Variants in PCDHGA5 observed in about 807,000 individuals in gnomAD.
PCDHGA5 encodes protocadherin gamma-A5.
Under a neutral mutation model 56.7 loss-of-function variants are expected in PCDHGA5, and 36 were observed. The observed-to-expected ratio is 0.64, with a 90% confidence interval of 0.49 to 0.84. The LOEUF (loss-of-function observed/expected upper bound fraction) is 0.84, where lower values mean the gene tolerates loss of function less well. PCDHGA5 is among the 40% of genes least tolerant of loss of function. The pLI is 0.00. For synonymous variants in PCDHGA5, 563 were observed against 520.2 expected (o/e 1.08, Z -1.12); for missense variants, 1,305 against 1,201.5 (o/e 1.09, Z -1.27).
intron 1 of PCDHGA5, among the ~76,000 whole-genome samples, chr5:141,465,683 A>G (rs2099107378): frequency 6.6e-6 from 1 of 152,236 alleles, no homozygotes; most frequent in African/African-American, 2.4e-5. Context: ...GCTCTTGACC[A>G]GTCTGCTTTT....
chr5:141,440,980 C>T (rs972732898), intron 1 of PCDHGA5: 1 of 152,242 alleles, frequency 6.6e-6, no homozygotes. Context: ...GCTTCACAAC[C>T]CAGAGTACCC....
chr5:141,478,678 C>T (rs3805695), intron 1 of PCDHGA5: 273,671 of 1,551,084 alleles, frequency 0.18, 26,385 homozygotes, highest in African/African-American at 0.39. Context: ...TTCAACTGGC[C>T]CTTCCTAGAT....
In PCDHGA5 at chr5:141,451,946, G is replaced by A. The variant is rs146934262; in HGVS notation, c.2422-42861G>A. On this transcript the variant is annotated intron_variant, in intron 1 of 3. Coordinates refer to ENST00000518069, the MANE Select transcript of PCDHGA5 (RefSeq NM_018918.3). ...GGAGGTAGGGAGGCAGGGAAAGACC[G>A]AGAAAGTGACATACCATCATTTTTG... Among the ~76,000 whole-genome samples, 240 of 152,218 alleles carry A rather than the reference G, an allele frequency of 1.6e-3. 1 individual carries two copies. Among genetic ancestry groups the A allele is most frequent in the Non-Finnish European group, 2.9e-3 (195 of 68,026 alleles).
chr5:141,456,975 A>T (rs1240583336), intron 1 of PCDHGA5, among the ~76,000 whole-genome samples: 1 of 152,178 alleles, frequency 6.6e-6, no homozygotes, highest in East Asian at 1.9e-4. Flanking sequence ...AACAAAACAA[A>T]CAAACAAACA....
chr5:141,401,922 A>C (rs899426870), intron 1 of PCDHGA5, among the ~76,000 whole-genome samples: 10 of 152,194 alleles, frequency 6.6e-5, no homozygotes, highest in Non-Finnish European at 1.3e-4. Flanking sequence ...AGTTTAAGTG[A>C]TGCTTAGAAT....
intron 1 of PCDHGA5, chr5:141,372,939 G>C (rs1026338118): frequency 3.6e-6 from 3 of 824,678 alleles, no homozygotes. Flanking sequence ...GTAGAGTAGG[G>C]TGTCTAGGAA....
intron 1 of PCDHGA5, chr5:141,384,950 C>G: frequency 6.2e-7 from 1 of 1,614,122 alleles, no homozygotes; most frequent in East Asian, 2.2e-5. Flanking sequence ...TCCGACGGTC[C>G]TTACAACTAT....
chr5:141,388,509 C>T, intron 1 of PCDHGA5: 13 of 1,613,810 alleles, frequency 8.1e-6, no homozygotes, highest in Non-Finnish European at 1.1e-5. Flanking sequence ...GAAATCCTAC[C>T]ACTTGACTTT....
rs1356739313 is a variant in PCDHGA5, at chr5:141,490,444, A to T, written c.2422-4363A>T. The T allele has an allele frequency of 6.2e-7, 1 of 1,614,194 alleles. No individual in the cohort carries two copies. Among genetic ancestry groups the T allele is most frequent in the Non-Finnish European group, 8.5e-7 (1 of 1,180,034 alleles). On this transcript the variant is annotated intron_variant, in intron 1 of 3. Transcript: ENST00000518069. The surrounding 1 kb of genome is among the most constrained non-coding windows in gnomAD (Gnocchi z 5.4). ...GCCATTTCAGATTAAGCCTTCTGAG[A>T]ACCACTACTCGCTGCTAACCAGCCA...
chr5:141,470,037 G>A lies in PCDHGA5; in HGVS notation c.2422-24770G>A, dbSNP rs76537989. Among the ~76,000 whole-genome samples the A allele has an allele frequency of 2.3e-3, 347 of 152,258 alleles. 6 individuals are homozygous for A. The East Asian group carries it at 0.048, about 21-fold the overall frequency. On this transcript the variant is annotated intron_variant, in intron 1 of 3. Transcript: ENST00000518069. ...CCAGCTACTCGGGATGCTGAGGCGC[G>A]AGAACTGTTTGAACCCCGGAGGCAG...
Position 141,431,962 on chromosome 5 carries a change from C to G in PCDHGA5, c.2422-62845C>G. 1.2e-6 allele frequency: 2 copies of G among 1,614,190 alleles called. No homozygotes were observed. Among genetic ancestry groups the G allele is most frequent in the South Asian group, 2.2e-5 (2 of 91,086 alleles). ...AATTAGAAAAATCTTACGGAAATTACTATAGTTTAGTCACAGACATAGTCT... is the reference window on the plus strand; with the variant it reads ...AATTAGAAAAATCTTACGGAAATTAGTATAGTTTAGTCACAGACATAGTCT... On this transcript the variant is annotated intron_variant, in intron 1 of 3. Transcript: ENST00000518069. The surrounding 1 kb of genome is among the most constrained non-coding windows in gnomAD (Gnocchi z 4.8).
rs1378433689 is a variant in PCDHGA5, at chr5:141,409,139, G to A, written c.2421+42388G>A. Reference sequence around the variant, plus strand: ...CCAGTCATTTGATTTTGAAGATGTAGAAAGGTACACCATGGAAGTGGAAGC... The same window carrying A: ...CCAGTCATTTGATTTTGAAGATGTAAAAAGGTACACCATGGAAGTGGAAGC... On this transcript the variant is annotated intron_variant, in intron 1 of 3. Transcript: ENST00000518069. 5.6e-6 allele frequency: 9 copies of A among 1,613,894 alleles called. No homozygotes were observed. In the Admixed American group the frequency reaches 1.5e-4, roughly 27 times the overall value.
intron 1 of PCDHGA5, chr5:141,418,939 C>G: frequency 6.2e-7 from 1 of 1,613,760 alleles, no homozygotes; most frequent in Non-Finnish European, 8.5e-7. Context: ...TGGAGGATTC[C>G]CCTCCAGGAG....
chr5:141,399,665 A>T, intron 1 of PCDHGA5: 14 of 1,613,648 alleles, frequency 8.7e-6, no homozygotes, highest in Non-Finnish European at 1.2e-5. Flanking sequence ...GTGTTCGCGC[A>T]GCGCGCCTTT....
chr5:141,476,180 C>T lies in PCDHGA5; in HGVS notation c.2422-18627C>T. The T allele has an allele frequency of 1.2e-6, 2 of 1,613,664 alleles. No individual in the cohort carries two copies. Among genetic ancestry groups the T allele is most frequent in the East Asian group, 4.5e-5 (2 of 44,838 alleles). On this transcript the variant is annotated intron_variant, in intron 1 of 3. Transcript: ENST00000518069. The surrounding 1 kb of genome is among the most constrained non-coding windows in gnomAD (Gnocchi z 7.6). ...CGGGAGGGTAGTGGGAGTTTTGCTT[C>T]TGCTTGGTGCCTTGAACAAGGCTTC...
At chr5:141,464,838 A>G (rs2099091245) in intron 1 of PCDHGA5, among the ~76,000 whole-genome samples, 1 of 152,182 alleles carries the variant, frequency 6.6e-6, no homozygotes, top group African/African-American at 2.4e-5. Context: ...TCCTGGGCTC[A>G]AGCAATCCTC....
rs570083634 is a variant in PCDHGA5, at chr5:141,427,859, C to G, written c.2421+61108C>G. 25 of 1,556,390 alleles carry G rather than the reference C, an allele frequency of 1.6e-5. No homozygotes were observed. The Admixed American group carries it at 2.0e-4, about 13-fold the overall frequency. ...CCTTCGACCACGAGCAGCTGTGCGC[C>G]TTCGAGCTCACGATGCAGGCCCACG... On this transcript the variant is annotated intron_variant, in intron 1 of 3. Coordinates refer to ENST00000518069, the MANE Select transcript of PCDHGA5 (RefSeq NM_018918.3).
At chr5:141,390,390 A>G (rs2092135147) in intron 1 of PCDHGA5, 4 of 1,406,748 alleles carry the variant, frequency 2.8e-6, no homozygotes, top group Middle Eastern at 3.7e-4. Flanking sequence ...GATGTCATGG[A>G]TCATTTTAGG....
At chr5:141,371,209 G>T in intron 1 of PCDHGA5, 1 of 1,614,006 alleles carries the variant, frequency 6.2e-7, no homozygotes, top group Non-Finnish European at 8.5e-7. Context: ...ATGGATGAGG[G>T]CATCAATGCC....
Sources: allele counts gnomAD v4.1 joint callset (sites outside exome capture counted in the v4.1 genomes callset), GRCh38; gene constraint gnomAD v4.1.1; non-coding constraint Gnocchi (gnomAD v3.1); transcripts MANE v1.5; gene names NCBI Gene and HGNC (gene_info 2026-07-23, HGNC 2026-07-21).